Variants in WDPCP observed in about 807,000 individuals in gnomAD.
WDPCP encodes WD repeat containing planar cell polarity effector.
Under a neutral mutation model 93.1 loss-of-function variants are expected in WDPCP, and 71 were observed. The observed-to-expected ratio is 0.76, with a 90% CI of 0.63 to 0.93. The LOEUF is 0.93. Among genes scored for constraint, WDPCP ranks in the 40% least tolerant of loss-of-function variants. The probability of loss-of-function intolerance (pLI) is 0.00; values close to 1 mark genes in which losing one functional copy is unlikely to be tolerated. For synonymous variants in WDPCP, 315 were observed against 315.0 expected, an observed-to-expected ratio of 1.00 and a Z score of 0.00; for missense variants, 844 against 887.4, an observed-to-expected ratio of 0.95 and a Z score of 0.62.
At chr2:63,206,284 C>CT (rs1209273039) in intron 14 of WDPCP, among the ~76,000 whole-genome samples, 1 of 152,052 alleles carries the variant, frequency 6.6e-6, no homozygotes, top group Non-Finnish European at 1.5e-5. Context: ...CAGTTGCTTT[C>CT]TTTTTTTCCT....
chr2:63,297,824 G>C (rs1684987157), intron 13 of WDPCP, among the ~76,000 whole-genome samples: 1 of 152,102 alleles, frequency 6.6e-6, no homozygotes, highest in Non-Finnish European at 1.5e-5. Flanking sequence ...CTAATGCACA[G>C]GTTCTACCCA....
At chr2:63,168,837 A>AGACTC in intron 15 of WDPCP, 1 of 152,302 alleles carries the variant, frequency 6.6e-6, no homozygotes, top group East Asian at 1.9e-4. Flanking sequence ...CAACACAGTG[A>AGACTC]GACTCCGTCT....
At chr2:63,712,903 A>G (rs1472774717) in intron 2 of WDPCP, among the ~76,000 whole-genome samples, 1 of 152,208 alleles carries the variant, frequency 6.6e-6, no homozygotes, top group Admixed American at 6.5e-5. Flanking sequence ...TGACTCAGGC[A>G]GCATAATGTC....
At chr2:63,595,295 A>G (rs1286412371) in intron 3 of WDPCP, 4 of 712,078 alleles carry the variant, frequency 5.6e-6, no homozygotes, top group African/African-American at 5.2e-5. Flanking sequence ...ACCTCCTAAA[A>G]TAATCATCAT....
chr2:63,480,429 G>A (rs566429602), intron 6 of WDPCP, among the ~76,000 whole-genome samples: 228 of 152,094 alleles, frequency 1.5e-3, no homozygotes, highest in Middle Eastern at 6.8e-3. Context: ...CATAGCCAAA[G>A]CAAGACTAAA....
chr2:63,315,215 G>A (rs1393446438), intron 12 of WDPCP, among the ~76,000 whole-genome samples: 1 of 152,122 alleles, frequency 6.6e-6, no homozygotes, highest in South Asian at 2.1e-4. Context: ...AAATAAGGGG[G>A]AAAAACAGGG....
At chr2:63,327,397 C>T (rs1208379404) in intron 12 of WDPCP, among the ~76,000 whole-genome samples, 1 of 152,176 alleles carries the variant, frequency 6.6e-6, no homozygotes, top group African/African-American at 2.4e-5. Flanking sequence ...TTTGCTAAAA[C>T]TTAACAGTGT....
chr2:63,825,891 T>C (rs1257557205), intron 1 of WDPCP, among the ~76,000 whole-genome samples: 1 of 152,114 alleles, frequency 6.6e-6, no homozygotes, highest in African/African-American at 2.4e-5. Flanking sequence ...ATTGGAATAT[T>C]TGTGAACAGT....
intron 10 of WDPCP, among the ~76,000 whole-genome samples, chr2:63,393,120 A>G (rs1693419457): frequency 6.6e-6 from 1 of 152,238 alleles, no homozygotes; most frequent in Non-Finnish European, 1.5e-5. Flanking sequence ...ACAATAGCAA[A>G]GATTTGGAAC....
chr2:63,562,586 C>T (rs1313841008), intron 1 of WDPCP, among the ~76,000 whole-genome samples: 1 of 152,100 alleles, frequency 6.6e-6, no homozygotes, highest in Non-Finnish European at 1.5e-5. Context: ...GTTACAGAAT[C>T]CACTGATGAT....
At position 63,600,898 on chromosome 2, in the gene WDPCP, TACA is replaced by T. The variant is rs1282154895; in HGVS notation, n.488+49758_488+49760del. ...GCCAGAAAGTGACTTATTTAGTTCC[TACA>T]ACAAGAAAGTTCCTACAACAATGAC... On this transcript the variant is annotated intron_variant and non_coding_transcript_variant, in intron 3 of 4. Transcript: ENST00000467687. Among the ~76,000 whole-genome samples, 6 of 152,340 alleles carry T rather than the reference TACA, an allele frequency of 3.9e-5. No individual in the cohort carries two copies. In the East Asian group the frequency reaches 1.2e-3, roughly 29 times the overall value.
At position 63,809,067 on chromosome 2, in the gene WDPCP, G is replaced by A. The variant is rs539780497; in HGVS notation, n.308+4555C>T. On this transcript the variant is annotated intron_variant and non_coding_transcript_variant, in intron 2 of 4. Coordinates refer to the WDPCP transcript ENST00000467687. ...TGGGAGGTGAGGAGCGTCTCTGACC[G>A]GCCGCCCCGTCTGAGAAGTGAGGAG... 1.1e-4 allele frequency among the ~76,000 whole-genome samples: 16 copies of A among 151,360 alleles called. No individual in the cohort carries two copies. The East Asian group carries it at 2.6e-3, about 24-fold the overall frequency.
At chr2:63,129,626 C>T (rs1670158731) in intron 17 of WDPCP, among the ~76,000 whole-genome samples, 1 of 152,094 alleles carries the variant, frequency 6.6e-6, no homozygotes, top group African/African-American at 2.4e-5. Context: ...AAGTTCTTTG[C>T]ACATTACATT....
chr2:63,604,548 T>A, intron 3 of WDPCP: 1 of 669,066 alleles, frequency 1.5e-6, no homozygotes. Flanking sequence ...GCAATAAATT[T>A]ACATTTTTTA....
chr2:63,513,804 C>T (rs1227668573), intron 1 of WDPCP, among the ~76,000 whole-genome samples: 1 of 152,204 alleles, frequency 6.6e-6, no homozygotes, highest in Non-Finnish European at 1.5e-5. Context: ...CATTTCTACA[C>T]AACTGTCCAT....
intron 2 of WDPCP, among the ~76,000 whole-genome samples, chr2:63,700,282 CAAAAAA>C (rs1196006011): frequency 2.4e-5 from 1 of 41,574 alleles, no homozygotes; most frequent in African/African-American, 1.0e-4. Context: ...GACCCTGTCT[CAAAAAA>C]AAAAAAAAAA....
At chr2:63,644,151 A>G (rs1710019027) in intron 3 of WDPCP, 2 of 302,286 alleles carry the variant, frequency 6.6e-6, no homozygotes, top group African/African-American at 4.4e-5. Context: ...ATTGGCCTAT[A>G]GTTTTATTTT....
chr2:63,377,503 T>C (rs903562683), intron 12 of WDPCP, among the ~76,000 whole-genome samples: 9 of 151,034 alleles, frequency 6.0e-5, no homozygotes, highest in African/African-American at 2.2e-4. Flanking sequence ...ATATACACAG[T>C]TTAAAAATAA....
At position 63,325,878 on chromosome 2, in the gene WDPCP, T is replaced by C. The variant is rs779789356; in HGVS notation, c.1749-12567A>G. ...TCCCACAGGACAAAACTTCTCTTTA[T>C]ATGTCAGAGAGAGAGCACGGATAGC... On this transcript the variant is annotated intron_variant, in intron 12 of 17. Transcript: ENST00000272321. Among the ~76,000 whole-genome samples, 248 of 152,200 alleles carry C rather than the reference T, an allele frequency of 1.6e-3. 1 individual carries two copies. Among genetic ancestry groups the C allele is most frequent in the Non-Finnish European group, 2.6e-3 (175 of 68,042 alleles).
Sources: allele counts gnomAD v4.1 joint callset (sites outside exome capture counted in the v4.1 genomes callset), GRCh38; gene constraint gnomAD v4.1.1; transcripts MANE v1.5; gene names NCBI Gene and HGNC (gene_info 2026-07-23, HGNC 2026-07-21).